Variants in ZBTB20 observed in about 807,000 individuals in gnomAD.
ZBTB20 encodes zinc finger and BTB domain containing 20.
In ZBTB20, 9 loss-of-function variants were observed where a neutral mutation model predicts 56.9. The observed-to-expected ratio is 0.16, with a 90% CI of 0.10 to 0.28. The LOEUF is 0.28. ZBTB20 is among the 10% of genes least tolerant of loss of function. The pLI is 1.00. For synonymous variants in ZBTB20, 417 were observed against 420.7 expected, an observed-to-expected ratio of 0.99 and a Z score of 0.11; for missense variants, 655 against 1,003.0, an observed-to-expected ratio of 0.65 and a Z score of 4.69.
intron 4 of ZBTB20, among the ~76,000 whole-genome samples, chr3:114,810,807 C>T (rs1412237251): frequency 6.6e-6 from 1 of 151,638 alleles, no homozygotes; most frequent in African/African-American, 2.4e-5. Context: ...TGTGGGGTGG[C>T]GGGGGGGAAG....
intron 4 of ZBTB20, among the ~76,000 whole-genome samples, chr3:114,837,238 T>C (rs946181998): frequency 6.6e-6 from 1 of 152,240 alleles, no homozygotes; most frequent in African/African-American, 2.4e-5. Flanking sequence ...TACTAGTATC[T>C]TCCTTATTTA....
At chr3:114,948,546 T>A (rs1325134569) in intron 3 of ZBTB20, among the ~76,000 whole-genome samples, 4 of 145,924 alleles carry the variant, frequency 2.7e-5, no homozygotes, top group Non-Finnish European at 5.9e-5. Context: ...CAAAGTCTAA[T>A]AGAATTAATA....
intron 7 of ZBTB20, among the ~76,000 whole-genome samples, chr3:114,472,953 G>T (rs926358681): frequency 1.3e-5 from 2 of 152,190 alleles, no homozygotes; most frequent in Admixed American, 1.3e-4. Context: ...ATCTCAACTG[G>T]CTCTTTTATT....
At chr3:114,515,128 C>A (rs2045840920) in intron 6 of ZBTB20, among the ~76,000 whole-genome samples, 1 of 152,198 alleles carries the variant, frequency 6.6e-6, no homozygotes, top group Non-Finnish European at 1.5e-5. Flanking sequence ...TCTCTGAGAC[C>A]TGTCGCATAA....
At chr3:115,003,693 C>T (rs2079349454) in intron 2 of ZBTB20, among the ~76,000 whole-genome samples, 1 of 151,358 alleles carries the variant, frequency 6.6e-6, no homozygotes, top group Admixed American at 6.6e-5. Context: ...AAAACAACAA[C>T]AAAAACACTA....
At chr3:114,473,382 G>T (rs372317910) in intron 7 of ZBTB20, among the ~76,000 whole-genome samples, 1 of 152,192 alleles carries the variant, frequency 6.6e-6, no homozygotes, top group East Asian at 1.9e-4. Flanking sequence ...TTGCATTTTT[G>T]ATATATTTCC....
rs371420739 is a variant in ZBTB20 at position 114,656,570 on chromosome 3, A to G, written c.-295+36958T>C. 1.1e-4 allele frequency among the ~76,000 whole-genome samples: 16 copies of G among 152,130 alleles called. No homozygotes were observed. The South Asian group carries it at 1.9e-3, about 18-fold the overall frequency. ...TCTGTTCTTTACATTAATAATTTCT[A>G]TTGACCTGTATTCAAGTTTACTGAC... On this transcript the variant is annotated intron_variant, in intron 6 of 11. Transcript: ENST00000675478.
intron 7 of ZBTB20, among the ~76,000 whole-genome samples, chr3:114,437,379 T>C (rs1421485597): frequency 6.6e-6 from 1 of 152,128 alleles, no homozygotes; most frequent in Non-Finnish European, 1.5e-5. Flanking sequence ...TGAGAGTAGC[T>C]TAATCTCATA....
intron 6 of ZBTB20, among the ~76,000 whole-genome samples, chr3:114,688,793 T>C (rs1443695847): frequency 2.0e-5 from 3 of 152,132 alleles, no homozygotes; most frequent in Non-Finnish European, 4.4e-5. Context: ...ATACATTAGG[T>C]TGATTCACAG....
At chr3:115,061,642 T>A (rs1175566950) in intron 2 of ZBTB20, among the ~76,000 whole-genome samples, 1 of 152,184 alleles carries the variant, frequency 6.6e-6, no homozygotes, top group Admixed American at 6.5e-5. Flanking sequence ...CCTCTATCTA[T>A]TCAGTCTGAG....
At chr3:114,395,877 C>A (rs1386319082) in intron 7 of ZBTB20, among the ~76,000 whole-genome samples, 2 of 152,242 alleles carry the variant, frequency 1.3e-5, no homozygotes, top group East Asian at 3.9e-4. Flanking sequence ...CCTCTTGATT[C>A]CTCTTTGACA....
At chr3:114,803,946 T>G (rs1239087385) in intron 4 of ZBTB20, among the ~76,000 whole-genome samples, 1 of 151,940 alleles carries the variant, frequency 6.6e-6, no homozygotes, top group South Asian at 2.1e-4. Flanking sequence ...ATTATTAAAA[T>G]TGACCACCAG....
chr3:114,337,217 G>T lies in ZBTB20; in HGVS notation c.*1788C>A, dbSNP rs766969691. On this transcript the variant is annotated 3_prime_UTR_variant, in exon 12 of 12. Transcript: ENST00000675478. ...TAACCATGGTGGAAACAGTCAGAAG[G>T]TGATATTTGGAAGGAAAAAAGTAAT... 1 of 152,204 alleles carries T rather than the reference G, an allele frequency of 6.6e-6. No individual in the cohort carries two copies. The highest frequency in any genetic ancestry group is 1.5e-5 in the Non-Finnish European group (1 of 68,046). The allele number at this position is 152,204 out of a possible 1,614,324, so 9.4% of individuals were successfully genotyped here.
intron 2 of ZBTB20, among the ~76,000 whole-genome samples, chr3:115,044,679 T>C (rs2081274330): frequency 6.6e-6 from 1 of 152,238 alleles, no homozygotes; most frequent in Non-Finnish European, 1.5e-5. Flanking sequence ...AATTAAATCA[T>C]ATTTGGCAGT....
chr3:114,798,260 T>C (rs950089731), intron 5 of ZBTB20, among the ~76,000 whole-genome samples: 1 of 151,696 alleles, frequency 6.6e-6, no homozygotes, highest in Non-Finnish European at 1.5e-5. Context: ...TCATAAAGAA[T>C]ATTAAGTCAA....
rs892880780 is a variant in ZBTB20, at chr3:114,350,154, G to A, written c.1804+120C>T. 2.9e-6 allele frequency: 4 copies of A among 1,391,356 alleles called. No homozygotes were observed. In the African/African-American group the frequency reaches 4.3e-5, roughly 15 times the overall value. 86.2% of individuals were successfully genotyped at this position (1,391,356 alleles called of 1,614,324 possible). On this transcript the variant is annotated intron_variant, in intron 11 of 11. Transcript: ENST00000675478. ...GGGGTTTCTAGAAGAGGCTTGTGGT[G>A]GGGTCTGTTTAAAATCTGAAAGATG...
At chr3:114,683,289 AAG>A (rs1377376714) in intron 6 of ZBTB20, among the ~76,000 whole-genome samples, 1 of 152,164 alleles carries the variant, frequency 6.6e-6, no homozygotes. Flanking sequence ...GAGGTACAGA[AAG>A]AGAGTTCTGA....
intron 5 of ZBTB20, among the ~76,000 whole-genome samples, chr3:114,798,119 C>T (rs545643085): frequency 2.2e-4 from 33 of 151,774 alleles, no homozygotes; most frequent in South Asian, 6.2e-4. Context: ...TGACACCATG[C>T]GTCGTACACA....
At chr3:114,504,212 T>C (rs2044331230) in intron 6 of ZBTB20, among the ~76,000 whole-genome samples, 1 of 152,184 alleles carries the variant, frequency 6.6e-6, no homozygotes, top group African/African-American at 2.4e-5. Flanking sequence ...ACCTTCCTAG[T>C]CCTTTATAAT....
Sources: gnomAD v4.1 joint callset for allele counts (sites outside exome capture counted in the v4.1 genomes callset) on GRCh38, gnomAD v4.1.1 for gene constraint, MANE v1.5 for transcripts, NCBI Gene and HGNC (gene_info 2026-07-23, HGNC 2026-07-21) for gene names.